PCSK5: variants seen among roughly 807,000 people sequenced by gnomAD.
PCSK5 encodes the protein prohormone convertase 5.
In PCSK5, 129 loss-of-function variants were observed where a neutral mutation model predicts 233.2. The ratio of observed to expected loss-of-function variants is 0.55; its 90% CI spans 0.48 to 0.64. The LOEUF (loss-of-function observed/expected upper bound fraction) is 0.64, where lower values mean the gene tolerates loss of function less well. Ranked by LOEUF, PCSK5 falls within the 30% of genes least tolerant of loss-of-function variation. PCSK5 has a pLI of 0.00. For synonymous variants in PCSK5, 825 were observed against 879.2 expected, an observed-to-expected ratio of 0.94 and a Z score of 1.09; for missense variants, 2,076 against 2,430.1, an observed-to-expected ratio of 0.85 and a Z score of 3.06.
intron 2 of PCSK5, among the ~76,000 whole-genome samples, chr9:75,947,602 A>G (rs1266197739): frequency 6.6e-6 from 1 of 152,184 alleles, no homozygotes; most frequent in Non-Finnish European, 1.5e-5. Context: ...ACTCAAAGGC[A>G]GGTTTTGCTT....
At chr9:75,892,850 C>G (rs559101462) in intron 1 of PCSK5, among the ~76,000 whole-genome samples, 41 of 152,300 alleles carry the variant, frequency 2.7e-4, no homozygotes, top group African/African-American at 9.4e-4. Flanking sequence ...CTGTGGAGAA[C>G]TGAGACTAGG....
intron 1 of PCSK5, among the ~76,000 whole-genome samples, chr9:75,898,771 G>A (rs1429892124): frequency 6.6e-6 from 1 of 151,370 alleles, no homozygotes; most frequent in Non-Finnish European, 1.5e-5. Context: ...AGTTTATATT[G>A]AGGATCTCTG....
intron 11 of PCSK5, among the ~76,000 whole-genome samples, chr9:76,157,738 G>A (rs2131814912): frequency 6.7e-6 from 1 of 149,414 alleles, no homozygotes; most frequent in South Asian, 2.1e-4. Context: ...TGAAACTAGA[G>A]ACATTGTCAT....
chr9:76,329,869 A>G (rs1010385126), intron 33 of PCSK5, among the ~76,000 whole-genome samples: 1 of 151,986 alleles, frequency 6.6e-6, no homozygotes, highest in African/African-American at 2.4e-5. Context: ...TACAGTCTTC[A>G]TTTTTCCTTT....
chr9:76,017,355 T>C (rs374325731), intron 3 of PCSK5, among the ~76,000 whole-genome samples: 1 of 152,174 alleles, frequency 6.6e-6, no homozygotes, highest in African/African-American at 2.4e-5. Flanking sequence ...TCTCCTTTTT[T>C]AAAAAAACTA....
chr9:76,128,078 C>G (rs10869703), intron 9 of PCSK5, among the ~76,000 whole-genome samples: 23,247 of 152,136 alleles, frequency 0.15, 2,336 homozygotes, highest in East Asian at 0.35. Flanking sequence ...TCCTGCAGGA[C>G]TTAGTCTGTG....
chr9:76,323,932 A>ATTTTTTTTTTT lies in PCSK5; in HGVS notation c.4339+650_4339+660dup, dbSNP rs60451634. The stretch of plus-strand genomic sequence containing the variant: ...TGCCTCTTGTCTCCCTTCCTGGGTG[A>ATTTTTTTTTTT]TTTTTTTTTTTTTTTTGAGACAGAG... On this transcript the variant is annotated intron_variant, in intron 32 of 37. Coordinates refer to ENST00000674117, the MANE Select transcript of PCSK5 (RefSeq NM_001372043.1). 3.6e-5 allele frequency among the ~76,000 whole-genome samples: 5 copies of ATTTTTTTTTTT among 139,406 alleles called. 2 individuals carry two copies. Among genetic ancestry groups the ATTTTTTTTTTT allele is most frequent in the Non-Finnish European group, 1.5e-5 (1 of 65,110 alleles). The allele number at this position is 139,406 out of a possible 152,430, so 91.5% of individuals were successfully genotyped here.
At chr9:75,979,810 TC>T (rs1477558991) in intron 2 of PCSK5, among the ~76,000 whole-genome samples, 2 of 152,218 alleles carry the variant, frequency 1.3e-5, no homozygotes, top group African/African-American at 4.8e-5. Context: ...AATCCCTTCC[TC>T]CATAATCACT....
chr9:76,287,228 G>T lies in PCSK5; in HGVS notation c.3143-5005G>T. The T allele has an allele frequency of 1.4e-5, 3 of 220,528 alleles. No individual in the cohort carries two copies. In the South Asian group the frequency reaches 2.4e-4, roughly 18 times the overall value. 13.7% of individuals were successfully genotyped at this position (220,528 alleles called of 1,614,324 possible). ...CCTGTAGGCTTCTCATGTCTCTATC[G>T]AAACTCCTCTCCTCTCTTACCCTCT... On this transcript the variant is annotated intron_variant, in intron 24 of 37. Transcript: ENST00000674117.
chr9:76,001,982 C>T (rs1240363698), intron 3 of PCSK5, among the ~76,000 whole-genome samples: 2 of 151,830 alleles, frequency 1.3e-5, no homozygotes, highest in Non-Finnish European at 2.9e-5. Context: ...ACAGGCTGCT[C>T]AATAAAGGCA....
chr9:76,309,840 G>A (rs1828812279), intron 29 of PCSK5, among the ~76,000 whole-genome samples: 1 of 152,132 alleles, frequency 6.6e-6, no homozygotes, highest in South Asian at 2.1e-4. Context: ...CACTCAAAAA[G>A]CTAAAGCATT....
Position 76,175,271 on chromosome 9 carries a change from G to GAATC in PCSK5, c.1900+142_1900+143insAATC, listed in dbSNP as rs1823542568. ...GGAATGGAATGGAATGGAATGGAATGGAATCGAATCGAATCGAATCGAATA... is the reference window on the plus strand; with the variant it reads ...GGAATGGAATGGAATGGAATGGAATGAATCGAATCGAATCGAATCGAATCGAATA... On this transcript the variant is annotated intron_variant, in intron 14 of 37. Coordinates refer to ENST00000674117, the MANE Select transcript of PCSK5 (RefSeq NM_001372043.1). 1.5e-3 allele frequency: 755 copies of GAATC among 517,096 alleles called. 4 individuals carry two copies. In the African/African-American group the frequency reaches 0.015, roughly 10 times the overall value. 32.0% of individuals were successfully genotyped at this position (517,096 alleles called of 1,614,324 possible).
chr9:76,077,248 CA>C (rs1175547566), intron 7 of PCSK5, among the ~76,000 whole-genome samples: 4 of 152,156 alleles, frequency 2.6e-5, no homozygotes, highest in African/African-American at 9.7e-5. Flanking sequence ...CCACCTCCTC[CA>C]TTTGTTCACT....
intron 10 of PCSK5, among the ~76,000 whole-genome samples, chr9:76,153,105 T>C (rs1823741081): frequency 6.6e-6 from 1 of 152,180 alleles, no homozygotes; most frequent in African/African-American, 2.4e-5. Flanking sequence ...CCTCAACTGA[T>C]ATCTTATACC....
chr9:76,059,504 A>G (rs1829950530), intron 5 of PCSK5, among the ~76,000 whole-genome samples: 1 of 152,190 alleles, frequency 6.6e-6, no homozygotes, highest in Admixed American at 6.5e-5. Context: ...CTAACGTTTA[A>G]GTCTTTAATC....
intron 9 of PCSK5, among the ~76,000 whole-genome samples, chr9:76,113,885 C>T (rs1051218103): frequency 3.3e-5 from 5 of 152,152 alleles, no homozygotes; most frequent in East Asian, 1.9e-4. Context: ...AGTGTATTTG[C>T]TTATTGAGGT....
intron 1 of PCSK5, among the ~76,000 whole-genome samples, chr9:75,897,492 T>TC (rs1554702414): frequency 6.8e-6 from 1 of 147,176 alleles, no homozygotes; most frequent in Non-Finnish European, 1.5e-5. Flanking sequence ...TTCTTTTCTT[T>TC]TTTTTTTTTT....
At chr9:76,211,020 G>A (rs1438545487) in intron 20 of PCSK5, among the ~76,000 whole-genome samples, 3 of 151,378 alleles carry the variant, frequency 2.0e-5, no homozygotes, top group Non-Finnish European at 4.4e-5. Flanking sequence ...AAAGTGGTAA[G>A]GCTTGTTGAA....
intron 20 of PCSK5, among the ~76,000 whole-genome samples, chr9:76,223,350 T>C (rs1440658907): frequency 1.3e-5 from 2 of 152,202 alleles, no homozygotes; most frequent in Non-Finnish European, 2.9e-5. Flanking sequence ...AAAAGGATTA[T>C]ACTTCAATCT....
Sources: gnomAD v4.1 joint callset for allele counts (sites outside exome capture counted in the v4.1 genomes callset) on GRCh38, gnomAD v4.1.1 for gene constraint, MANE v1.5 for transcripts, NCBI Gene and HGNC (gene_info 2026-07-23, HGNC 2026-07-21) for gene names.